Variants in PDE3A observed in about 807,000 individuals in gnomAD.
PDE3A encodes the protein cGMP-inhibited 3',5'-cyclic phosphodiesterase 3A.
In PDE3A, 43 loss-of-function variants were observed where a neutral mutation model predicts 98.3. The observed-to-expected ratio is 0.44, with a 90% CI of 0.34 to 0.56. The LOEUF is 0.56. PDE3A is among the 20% of genes least tolerant of loss of function. The pLI is 0.01. For missense variants in PDE3A, 1,427 were observed against 1,440.7 expected (o/e 0.99, Z 0.15); for synonymous variants, 663 against 567.9 (o/e 1.17, Z -2.38).
In PDE3A at chr12:20,552,246, C is replaced by T. The variant is rs1224997845; in HGVS notation, c.961-4414C>T. On this transcript the variant is annotated intron_variant, in intron 1 of 15. Coordinates refer to ENST00000359062, the MANE Select transcript of PDE3A (RefSeq NM_000921.5). This position sits in a 1 kb window ranked among gnomAD's most constrained non-coding sequence, Gnocchi z 5.1. The stretch of plus-strand genomic sequence containing the variant: ...AGCCGGTCAGGGTGGTGCGCAATGT[C>T]AAGGGTGGCAAGAATAGCAAGTACG... 1.1e-5 allele frequency: 18 copies of T among 1,613,764 alleles called. No homozygotes were observed. The highest frequency in any genetic ancestry group is 1.7e-5 in the Admixed American group (1 of 59,988).
chr12:20,423,384 G>A (rs1437049147), intron 1 of PDE3A, among the ~76,000 whole-genome samples: 1 of 152,090 alleles, frequency 6.6e-6, no homozygotes, highest in African/African-American at 2.4e-5. Context: ...GCTCATATCT[G>A]TTTTAGTTGA....
intron 1 of PDE3A, among the ~76,000 whole-genome samples, chr12:20,421,456 T>A (rs1944510032): frequency 6.6e-6 from 1 of 152,208 alleles, no homozygotes; most frequent in Admixed American, 6.5e-5. Context: ...TGAGGAGTGT[T>A]GCTTTAATTG....
At chr12:20,671,002 T>A (rs4277165) in intron 15 of PDE3A, among the ~76,000 whole-genome samples, 45,915 of 85,076 alleles carry the variant, frequency 0.54, 13,875 homozygotes, top group East Asian at 0.7. Flanking sequence ...CGCAATAAAA[T>A]ATGATAAAGG....
Position 20,680,366 on chromosome 12 carries a change from T to G in PDE3A, c.*95T>G. 7.9e-7 allele frequency: 1 copy of G among 1,261,950 alleles called. No homozygotes were observed. The highest frequency in any genetic ancestry group is 1.1e-6 in the Non-Finnish European group (1 of 908,836). The allele number at this position is 1,261,950 out of a possible 1,614,324, so 78.2% of individuals were successfully genotyped here. On this transcript the variant is annotated 3_prime_UTR_variant, in exon 16 of 16. Coordinates refer to ENST00000359062, the MANE Select transcript of PDE3A (RefSeq NM_000921.5). ...ATTTAGACACAACACTGTAGAAATT[T>G]GAGATGGGCAAATGGCTATTGCATT...
chr12:20,508,946 A>G (rs1361584671), intron 1 of PDE3A, among the ~76,000 whole-genome samples: 1 of 151,972 alleles, frequency 6.6e-6, no homozygotes, highest in Non-Finnish European at 1.5e-5. Context: ...AAGGAATTAT[A>G]TCTTTAAATG....
chr12:20,639,753 T>C (rs1944603407), intron 9 of PDE3A, 93 bp from the exon 10 acceptor site: 1 of 623,206 alleles, frequency 1.6e-6, no homozygotes, highest in Non-Finnish European at 2.9e-6. Context: ...TTTAATGTTT[T>C]CCGTTACCGA....
intron 5 of PDE3A, among the ~76,000 whole-genome samples, chr12:20,625,058 C>G (rs1047291734): frequency 6.6e-6 from 1 of 152,190 alleles, no homozygotes; most frequent in Admixed American, 6.6e-5. Flanking sequence ...GATAAATACC[C>G]TGTTTCCAGA....
chr12:20,431,833 G>C (rs10841519), intron 1 of PDE3A, among the ~76,000 whole-genome samples: 49,643 of 152,058 alleles, frequency 0.33, 9,680 homozygotes, highest in East Asian at 0.58. Context: ...AAAGAAAATA[G>C]GTTCATTTAA....
Position 20,644,363 on chromosome 12 carries a change from C to G in PDE3A, c.2252-2127C>G, listed in dbSNP as rs1359311014. 2.6e-5 allele frequency among the ~76,000 whole-genome samples: 4 copies of G among 152,072 alleles called. No individual in the cohort carries two copies. The South Asian group carries it at 8.3e-4, about 32-fold the overall frequency. ...AATTACAAATTCACCGTGTATCTGG[C>G]CCTTTAAAATATATTTCCTAATGTA... On this transcript the variant is annotated intron_variant, in intron 10 of 15. Coordinates refer to ENST00000359062, the MANE Select transcript of PDE3A (RefSeq NM_000921.5).
chr12:20,616,341 G>C lies in PDE3A; in HGVS notation c.1381G>C (p.Asp461His). Residue 461 changes from aspartate (D) to histidine (H), a missense_variant, in exon 4 of 16, where the codon GAC (aspartate) becomes CAC (histidine). Asp to His is a moderately conservative substitution (Grantham distance 81). This residue lies in a region of PDE3A where 1,012 missense variants were observed against 886.5 expected (regional missense o/e 1.14). Transcript: ENST00000359062. ...PTLEPAPVRR[D>H]RSTSIKLQEA... ...CTTGGAGCCTGCACCAGTACGGAGA[G>C]ACCGCAGCACCAGCATCAAACTGCA... is the stretch of plus-strand genomic sequence containing the variant. 2 of 1,613,800 alleles carry C rather than the reference G, an allele frequency of 1.2e-6. No individual in the cohort carries two copies. Among genetic ancestry groups the C allele is most frequent in the East Asian group, 4.5e-5 (2 of 44,842 alleles).
intron 15 of PDE3A, among the ~76,000 whole-genome samples, chr12:20,676,657 G>A (rs551381465): frequency 2.0e-5 from 3 of 152,050 alleles, no homozygotes; most frequent in South Asian, 2.1e-4. Flanking sequence ...ACGCCACCAT[G>A]CCTGGCTAAT....
chr12:20,453,391 G>A (rs7300231), intron 1 of PDE3A, among the ~76,000 whole-genome samples: 25,361 of 151,678 alleles, frequency 0.17, 2,237 homozygotes, highest in Middle Eastern at 0.21. Flanking sequence ...TGTTGGCCAG[G>A]CTGGTCTCAA....
chr12:20,422,068 C>T (rs375865500), intron 1 of PDE3A, among the ~76,000 whole-genome samples: 7 of 152,134 alleles, frequency 4.6e-5, no homozygotes, highest in Admixed American at 1.3e-4. Flanking sequence ...GGCGGCAGGC[C>T]GGGCGCAATG....
At chr12:20,447,830 C>T (rs1302881395) in intron 1 of PDE3A, among the ~76,000 whole-genome samples, 1 of 152,054 alleles carries the variant, frequency 6.6e-6, no homozygotes, top group Non-Finnish European at 1.5e-5. Flanking sequence ...CAGGTCACAA[C>T]CTGGGATTTG....
intron 15 of PDE3A, among the ~76,000 whole-genome samples, chr12:20,673,992 A>G (rs985515074): frequency 6.6e-6 from 1 of 152,132 alleles, no homozygotes; most frequent in African/African-American, 2.4e-5. Flanking sequence ...TGTTGTCTTC[A>G]ACGTGTTTCA....
At chr12:20,605,783 T>G (rs956156864) in intron 2 of PDE3A, among the ~76,000 whole-genome samples, 2 of 152,242 alleles carry the variant, frequency 1.3e-5, no homozygotes, top group Non-Finnish European at 2.9e-5. Context: ...TCAGCATTTG[T>G]AACCTATCTT....
At chr12:20,434,289 C>T (rs1944745501) in intron 1 of PDE3A, among the ~76,000 whole-genome samples, 1 of 152,044 alleles carries the variant, frequency 6.6e-6, no homozygotes, top group South Asian at 2.1e-4. Context: ...AGGATGGGAA[C>T]ATACATTTGC....
In PDE3A at chr12:20,552,760, T is replaced by G. The variant is rs1565586622; in HGVS notation, c.961-3900T>G. Reference sequence around the variant, plus strand: ...GGACCGGCCGGCGAGCGGCAGCCCGTTCCAGTTGTTCCTGAGTAAAGTGGA... The same window carrying G: ...GGACCGGCCGGCGAGCGGCAGCCCGGTCCAGTTGTTCCTGAGTAAAGTGGA... On this transcript the variant is annotated intron_variant, in intron 1 of 15. Coordinates refer to ENST00000359062, the MANE Select transcript of PDE3A (RefSeq NM_000921.5). This position sits in a 1 kb window ranked among gnomAD's most constrained non-coding sequence, Gnocchi z 5.1. 6.2e-7 allele frequency: 1 copy of G among 1,614,028 alleles called. No individual in the cohort carries two copies. The highest frequency in any genetic ancestry group is 8.5e-7 in the Non-Finnish European group (1 of 1,179,898).
chr12:20,390,895 A>C (rs541169278), intron 1 of PDE3A, among the ~76,000 whole-genome samples: 2 of 151,968 alleles, frequency 1.3e-5, no homozygotes, highest in Admixed American at 1.3e-4. Context: ...TGCAAAGACT[A>C]TCACCCTATT....
Sources: allele counts gnomAD v4.1 joint callset (sites outside exome capture counted in the v4.1 genomes callset), GRCh38; gene constraint gnomAD v4.1.1; regional missense constraint gnomAD v4.1.1; non-coding constraint Gnocchi (gnomAD v3.1); transcripts MANE v1.5; gene names NCBI Gene and HGNC (gene_info 2026-07-23, HGNC 2026-07-21).